The following ENPP6 variants were observed in gnomAD, a reference collection of about 807,000 sequenced individuals.
ENPP6 encodes the protein glycerophosphocholine cholinephosphodiesterase ENPP6.
ENPP6 carries 32 observed loss-of-function variants against 42.0 expected under a neutral mutation model. The observed-to-expected ratio is 0.76, with a 90% CI of 0.58 to 1.02. ENPP6 has a LOEUF of 1.02. Among genes scored for constraint, ENPP6 ranks in the 50% least tolerant of loss-of-function variants. The pLI, the probability that ENPP6 is intolerant of heterozygous loss-of-function variation, is 0.00. For missense variants in ENPP6, 552 were observed against 566.8 expected, an observed-to-expected ratio of 0.97 and a Z score of 0.27; for synonymous variants, 213 against 216.0, an observed-to-expected ratio of 0.99 and a Z score of 0.12.
intron 6 of ENPP6, among the ~76,000 whole-genome samples, chr4:184,107,649 C>T (rs1429662722): frequency 2.0e-5 from 3 of 151,986 alleles, no homozygotes; most frequent in Non-Finnish European, 4.4e-5. Flanking sequence ...GGTGTGGTGG[C>T]TCACGCCTGT....
At chr4:184,145,671 T>C (rs941968152) in intron 2 of ENPP6, among the ~76,000 whole-genome samples, 1 of 152,216 alleles carries the variant, frequency 6.6e-6, no homozygotes, top group Non-Finnish European at 1.5e-5. Context: ...GCATAGGCAG[T>C]TGATGTCCAA....
intron 1 of ENPP6, among the ~76,000 whole-genome samples, chr4:184,157,841 A>C (rs1333089628): frequency 1.4e-5 from 2 of 146,538 alleles, no homozygotes; most frequent in Non-Finnish European, 3.0e-5. Flanking sequence ...GTTGGTCTCA[A>C]ACTCCTGGGC....
At chr4:184,201,678 G>T (rs1335935739) in intron 1 of ENPP6, among the ~76,000 whole-genome samples, 1 of 152,098 alleles carries the variant, frequency 6.6e-6, no homozygotes, top group Non-Finnish European at 1.5e-5. Context: ...GAGGTCTGTT[G>T]ATAGGAGCTT....
At chr4:184,091,506 C>G in intron 7 of ENPP6, 124 bp from the exon 8 acceptor site, 1 of 874,144 alleles carries the variant, frequency 1.1e-6, no homozygotes, top group Non-Finnish European at 1.8e-6. Flanking sequence ...TCAGCTCCAT[C>G]AGTGGGGTGT....
chr4:184,122,553 A>G (rs1234982872), intron 3 of ENPP6, among the ~76,000 whole-genome samples: 1 of 152,184 alleles, frequency 6.6e-6, no homozygotes, highest in East Asian at 1.9e-4. Flanking sequence ...CTCTCAGGAC[A>G]GGGAAGTCTG....
intron 7 of ENPP6, 72 bp downstream of exon 7, chr4:184,097,173 C>A: frequency 6.3e-7 from 1 of 1,592,760 alleles, no homozygotes; most frequent in Non-Finnish European, 8.6e-7. Context: ...CCTCTCCTGG[C>A]ACCCGTAGCC....
rs1736378359 is a variant in ENPP6, at chr4:184,119,398, GCTCCTGGT to G, written c.534-1506_534-1499del. On this transcript the variant is annotated intron_variant, in intron 3 of 7. Coordinates refer to ENST00000296741, the MANE Select transcript of ENPP6 (RefSeq NM_153343.4). The stretch of plus-strand genomic sequence containing the variant: ...TACTCCTTATAAGCAACTTTGTCAT[GCTCCTGGT>G]TCCCCTCAGCAAGAAACTATGTTGA... Among the ~76,000 whole-genome samples, 7 of 150,038 alleles carry G rather than the reference GCTCCTGGT, an allele frequency of 4.7e-5. No homozygotes were observed. In the South Asian group the frequency reaches 1.5e-3, roughly 32 times the overall value.
At chr4:184,170,345 A>T (rs10866266) in intron 1 of ENPP6, among the ~76,000 whole-genome samples, 1 of 151,952 alleles carries the variant, frequency 6.6e-6, no homozygotes, top group Non-Finnish European at 1.5e-5. Context: ...CAGGAGAATC[A>T]CTTGAGCCAG....
intron 1 of ENPP6, among the ~76,000 whole-genome samples, chr4:184,208,342 T>C (rs1579667636): frequency 1.3e-5 from 2 of 152,080 alleles, no homozygotes; most frequent in Admixed American, 6.5e-5. Context: ...TTCATCTCAC[T>C]AGGGAGTGCC....
intron 2 of ENPP6, among the ~76,000 whole-genome samples, chr4:184,126,612 T>A (rs558232683): frequency 2.6e-5 from 4 of 152,152 alleles, no homozygotes; most frequent in Non-Finnish European, 5.9e-5. Flanking sequence ...TGGAAAGGGA[T>A]CTTCCAACTT....
At chr4:184,199,378 A>G (rs1732856297) in intron 1 of ENPP6, among the ~76,000 whole-genome samples, 3 of 152,220 alleles carry the variant, frequency 2.0e-5, no homozygotes, top group Admixed American at 6.5e-5. Flanking sequence ...TCTGCTAGTG[A>G]GTGGCTGAAG....
Position 184,091,288 on chromosome 4 carries a change from G to T in ENPP6, c.1212C>A (p.Asn404Lys). ...TGCACATCACCCTGGACCAGGATCC[G>T]TTGTTGGGCAGCGGGGTGATGCCCA... ...NVVGITPLPN[N>K]GSWSRVMCML... The change falls in exon 8 of 8, where the codon AAC (asparagine) becomes AAA (lysine). Residue 404 changes from asparagine to lysine, a missense_variant. This residue lies in a region of ENPP6 where 545 missense variants were observed against 546.3 expected (regional missense o/e 1.00). Coordinates refer to ENST00000296741, the MANE Select transcript of ENPP6 (RefSeq NM_153343.4). The T allele has an allele frequency of 6.2e-7, 1 of 1,614,006 alleles. No individual in the cohort carries two copies. Among genetic ancestry groups the T allele is most frequent in the Non-Finnish European group, 8.5e-7 (1 of 1,179,988 alleles).
chr4:184,101,270 T>G (rs1322660179), intron 6 of ENPP6, among the ~76,000 whole-genome samples: 1 of 151,766 alleles, frequency 6.6e-6, no homozygotes, highest in Non-Finnish European at 1.5e-5. Flanking sequence ...TGTGTCTGTG[T>G]TGCACGTGTG....
chr4:184,210,953 A>G (rs1733099366), intron 1 of ENPP6, among the ~76,000 whole-genome samples: 1 of 151,514 alleles, frequency 6.6e-6, no homozygotes, highest in South Asian at 2.1e-4. Flanking sequence ...CTGCTCAACT[A>G]CATGGAAACT....
chr4:184,122,317 T>A (rs959076345), intron 3 of ENPP6, among the ~76,000 whole-genome samples: 8 of 152,140 alleles, frequency 5.3e-5, no homozygotes, highest in African/African-American at 1.9e-4. Flanking sequence ...GGTGGCAGCC[T>A]AGCTGGGGAC....
At chr4:184,216,809 C>T (rs1006414759) in intron 1 of ENPP6, 2 of 152,250 alleles carry the variant, frequency 1.3e-5, no homozygotes, top group South Asian at 2.1e-4. Context: ...TTCATGCAGT[C>T]GCGTTTGGAG....
chr4:184,131,138 T>G (rs1736604009), intron 2 of ENPP6, among the ~76,000 whole-genome samples: 1 of 135,798 alleles, frequency 7.4e-6, no homozygotes, highest in Admixed American at 7.1e-5. Flanking sequence ...CCACCAGCAC[T>G]TACTTTCTTT....
intron 6 of ENPP6, among the ~76,000 whole-genome samples, chr4:184,108,561 A>G (rs374728947): frequency 2.0e-5 from 3 of 152,368 alleles, no homozygotes; most frequent in African/African-American, 7.2e-5. Context: ...AAGAATGGGC[A>G]CTTGTTTTGG....
chr4:184,116,901 G>A lies in ENPP6; in HGVS notation c.810C>T (p.Arg270=), dbSNP rs765473054. 6 of 1,614,130 alleles carry A rather than the reference G, an allele frequency of 3.7e-6. No individual in the cohort carries two copies. The highest frequency in any genetic ancestry group is 1.7e-5 in the Admixed American group (1 of 60,022). The change falls in exon 5 of 8, where the codon CGC becomes CGT. Residue 270 remains arginine (R), a synonymous_variant. Coordinates refer to ENST00000296741, the MANE Select transcript of ENPP6 (RefSeq NM_153343.4). ...SLNDLQQVKD[R]GPVVSLWPAP... ...CCGGCCAAAGGCTCACAACAGGCCC[G>A]CGGTCCTTCACTTGCTGCAGGTCAT... is the stretch of plus-strand genomic sequence containing the variant.
Sources: allele counts gnomAD v4.1 joint callset (sites outside exome capture counted in the v4.1 genomes callset), GRCh38; gene constraint gnomAD v4.1.1; regional missense constraint gnomAD v4.1.1; transcripts MANE v1.5; gene names NCBI Gene and HGNC (gene_info 2026-07-23, HGNC 2026-07-21).